The following BICDL1 variants were observed in gnomAD, a reference collection of about 807,000 sequenced individuals.
BICDL1 encodes BICD family like cargo adaptor 1.
Under a neutral mutation model 76.8 loss-of-function variants are expected in BICDL1, and 20 were observed. That is an observed-to-expected ratio of 0.26 (90% confidence interval 0.18 to 0.38). The LOEUF (loss-of-function observed/expected upper bound fraction) is 0.38, where lower values mean the gene tolerates loss of function less well. BICDL1 is among the 10% of genes least tolerant of loss of function. The pLI is 1.00. For synonymous variants in BICDL1, 383 were observed against 337.1 expected (o/e 1.14, Z -1.49); for missense variants, 700 against 798.6 (o/e 0.88, Z 1.49).
At chr12:120,037,277 G>T (rs1446565104) in intron 2 of BICDL1, among the ~76,000 whole-genome samples, 4 of 152,098 alleles carry the variant, frequency 2.6e-5, no homozygotes, top group South Asian at 2.1e-4. Context: ...TGTTCATTTT[G>T]ATTTCTAAAG....
chr12:119,997,748 A>G (rs1004119447), intron 1 of BICDL1, among the ~76,000 whole-genome samples: 1 of 152,096 alleles, frequency 6.6e-6, no homozygotes, highest in Non-Finnish European at 1.5e-5. Context: ...TCATCTCTGA[A>G]AAATTCTGTG....
intron 2 of BICDL1, among the ~76,000 whole-genome samples, chr12:120,051,032 T>A (rs999774175): frequency 7.2e-5 from 11 of 151,882 alleles, no homozygotes; most frequent in African/African-American, 2.4e-5. Flanking sequence ...TCCCTGGAGA[T>A]TTTTTTTCTT....
At chr12:120,081,109 AG>A (rs1873936731) in intron 8 of BICDL1, 92 bp downstream of exon 8, 9 of 1,360,068 alleles carry the variant, frequency 6.6e-6, no homozygotes, top group Non-Finnish European at 9.1e-6. Flanking sequence ...ATCATACAAA[AG>A]AATACAAAGG....
chr12:120,094,382 G>T lies in BICDL1; in HGVS notation c.*1221G>T. ...GTAGCAATCATGTAAATACATGTATGGATTTTATAATATACATATATAAAA... is the reference window on the plus strand; with the variant it reads ...GTAGCAATCATGTAAATACATGTATTGATTTTATAATATACATATATAAAA... On this transcript the variant is annotated 3_prime_UTR_variant, in exon 10 of 10. Transcript: ENST00000548673. 1 of 430,902 alleles carries T rather than the reference G, an allele frequency of 2.3e-6. No individual in the cohort carries two copies. Among genetic ancestry groups the T allele is most frequent in the South Asian group, 1.6e-5 (1 of 61,886 alleles). The allele number at this position is 430,902 out of a possible 1,614,324, so 26.7% of individuals were successfully genotyped here.
chr12:120,058,001 T>G (rs563197685), intron 2 of BICDL1, among the ~76,000 whole-genome samples: 1 of 151,670 alleles, frequency 6.6e-6, no homozygotes, highest in South Asian at 2.1e-4. Flanking sequence ...TGGAGAATTT[T>G]TTTTTGTATT....
intron 6 of BICDL1, 90 bp downstream of exon 6, chr12:120,072,819 A>G: frequency 9.6e-7 from 1 of 1,037,698 alleles, no homozygotes. Context: ...TCAGCCATGG[A>G]ACTGGAACCC....
rs1594077085 is a variant in BICDL1, at chr12:119,989,626, A to T, written c.-243A>T. On this transcript the variant is annotated 5_prime_UTR_variant, in exon 1 of 10. Coordinates refer to ENST00000548673, the MANE Select transcript of BICDL1 (RefSeq NM_001367886.1). ...CACCACCTACTCCGCCACTACCCCC[A>T]CCCCCTCCTCCCGCGCGCGCCTGAG... Among the ~76,000 whole-genome samples the T allele has an allele frequency of 7.4e-6, 1 of 134,458 alleles. No individual in the cohort carries two copies. The highest frequency in any genetic ancestry group is 1.6e-5 in the Non-Finnish European group (1 of 62,160). The allele number at this position is 134,458 out of a possible 152,430, so 88.2% of individuals were successfully genotyped here.
chr12:120,072,433 G>C (rs1018944268), intron 5 of BICDL1, 78 bp from the exon 6 acceptor site: 2 of 1,353,234 alleles, frequency 1.5e-6, no homozygotes, highest in African/African-American at 2.9e-5. Flanking sequence ...CAGTATTTTG[G>C]GTTCAGAGCT....
rs181622246 is a variant in BICDL1 at position 120,092,844 on chromosome 12, G to A, written c.1705-156G>A. 421 of 985,402 alleles carry A rather than the reference G, an allele frequency of 4.3e-4. 1 individual carries two copies. Among genetic ancestry groups the A allele is most frequent in the African/African-American group, 3.5e-3 (200 of 57,356 alleles). 61.0% of individuals were successfully genotyped at this position (985,402 alleles called of 1,614,324 possible). A position where few individuals can be genotyped will look rare whatever the true frequency, so the allele number is the denominator to read the frequency against. ...TGCGTGCGCCTGGTGTCTTGCCCAC[G>A]CTCACCGCTTTCTTGGTCAGGGCAG... On this transcript the variant is annotated intron_variant, in intron 9 of 9. Coordinates refer to ENST00000548673, the MANE Select transcript of BICDL1 (RefSeq NM_001367886.1).
chr12:120,003,937 G>A (rs549756214), intron 2 of BICDL1, among the ~76,000 whole-genome samples: 19 of 152,174 alleles, frequency 1.2e-4, no homozygotes, highest in Middle Eastern at 6.8e-3. Context: ...TCTTGGGAGC[G>A]TACACTAGAC....
chr12:120,016,288 G>C (rs1323483808), intron 2 of BICDL1, among the ~76,000 whole-genome samples: 1 of 152,152 alleles, frequency 6.6e-6, no homozygotes, highest in Admixed American at 6.5e-5. Flanking sequence ...TCCATAACCA[G>C]TTAATGGAGA....
intron 7 of BICDL1, among the ~76,000 whole-genome samples, chr12:120,080,245 T>C (rs1219746706): frequency 6.6e-6 from 1 of 152,204 alleles, no homozygotes; most frequent in African/African-American, 2.4e-5. Flanking sequence ...GACTCCCAGC[T>C]GGGGCACAAG....
intron 4 of BICDL1, among the ~76,000 whole-genome samples, chr12:120,069,596 G>T (rs114715347): frequency 0.023 from 3,533 of 152,254 alleles, 144 homozygotes; most frequent in African/African-American, 0.081. Flanking sequence ...GCCTCTAATG[G>T]TTGGGTGGGG....
chr12:120,039,720 T>A (rs1952599919), intron 2 of BICDL1, among the ~76,000 whole-genome samples: 1 of 150,496 alleles, frequency 6.6e-6, no homozygotes, highest in Admixed American at 6.6e-5. Context: ...ATTATCAAAC[T>A]GTAGGTATTA....
At chr12:120,088,115 A>ATG (rs1328556604) in intron 8 of BICDL1, among the ~76,000 whole-genome samples, 1 of 152,040 alleles carries the variant, frequency 6.6e-6, no homozygotes, top group Non-Finnish European at 1.5e-5. Flanking sequence ...TATTTTTAGT[A>ATG]GAGGCGGGGT....
In BICDL1 at chr12:119,989,333, C is replaced by T. The variant is rs1951462550; in HGVS notation, c.-536C>T. On this transcript the variant is annotated 5_prime_UTR_variant, in exon 1 of 10. Transcript: ENST00000548673. The stretch of plus-strand genomic sequence containing the variant: ...GCCGTCGCCGCCGCTGCTGCTGGGG[C>T]TGCCGCGGAGCCGGGGGTCATGGAG... Among the ~76,000 whole-genome samples the T allele has an allele frequency of 6.6e-6, 1 of 150,492 alleles. No individual in the cohort carries two copies. The highest frequency in any genetic ancestry group is 1.5e-5 in the Non-Finnish European group (1 of 67,470).
At chr12:120,034,629 G>A (rs944781390) in intron 2 of BICDL1, among the ~76,000 whole-genome samples, 2 of 152,242 alleles carry the variant, frequency 1.3e-5, no homozygotes, top group African/African-American at 2.4e-5. Flanking sequence ...TCAGGAGTTA[G>A]CATGGCTTAA....
Position 120,093,002 on chromosome 12 carries a change from T to C in BICDL1, c.1707T>C (p.Asp569=), listed in dbSNP as rs199660367. Residue 569 remains aspartate (D), a splice_region_variant and synonymous_variant, in exon 10 of 10, where the codon GAT becomes GAC. Coordinates refer to ENST00000548673, the MANE Select transcript of BICDL1 (RefSeq NM_001367886.1). ...CCACTGTCCCCTCCCCTCTGCAGGA[T>C]GACATGCACAGGGTCATTGACCGGC... ...NLSQQLEAWQ[D]DMHRVIDRQL... 307 of 1,555,514 alleles carry C rather than the reference T, an allele frequency of 2.0e-4. 1 individual carries two copies. Among genetic ancestry groups the C allele is most frequent in the Non-Finnish European group, 2.6e-4 (294 of 1,148,774 alleles).
At chr12:120,031,578 A>G (rs987207524) in intron 2 of BICDL1, among the ~76,000 whole-genome samples, 20 of 152,178 alleles carry the variant, frequency 1.3e-4, no homozygotes, top group Non-Finnish European at 2.5e-4. Flanking sequence ...TGAAGATATC[A>G]GTATACTTTA....
Sources: allele counts gnomAD v4.1 joint callset (sites outside exome capture counted in the v4.1 genomes callset), GRCh38; gene constraint gnomAD v4.1.1; transcripts MANE v1.5; gene names NCBI Gene and HGNC (gene_info 2026-07-23, HGNC 2026-07-21).